The following CRIPT variants were observed in gnomAD, a reference collection of about 807,000 sequenced individuals.
CRIPT encodes the protein cysteine-rich PDZ-binding protein.
In CRIPT, 20 loss-of-function variants were observed where a neutral mutation model predicts 16.6. The ratio of observed to expected loss-of-function variants is 1.20; its 90% CI spans 0.85 to 1.75. CRIPT has a LOEUF of 1.75. Ranked by LOEUF, CRIPT falls within the 40% of genes most tolerant of loss-of-function variation. The pLI, the probability that CRIPT is intolerant of heterozygous loss-of-function variation, is 0.00. For missense variants in CRIPT, 133 were observed against 115.3 expected (o/e 1.15, Z -0.70); for synonymous variants, 42 against 37.0 (o/e 1.14, Z -0.49).
chr2:46,626,401 G>C lies in CRIPT; in HGVS notation c.*2174G>C, dbSNP rs915843655. Among the ~76,000 whole-genome samples, 6 of 152,178 alleles carry C rather than the reference G, an allele frequency of 3.9e-5. No individual in the cohort carries two copies. The highest frequency in any genetic ancestry group is 1.4e-4 in the African/African-American group (6 of 41,428). On this transcript the variant is annotated 3_prime_UTR_variant, in exon 5 of 5. Coordinates refer to ENST00000238892, the MANE Select transcript of CRIPT (RefSeq NM_014171.6). ...GAATAGTGCTGTGATGAATATGTGA[G>C]TGTATGTGTCTTTTTGGTAGAACAA...
chr2:46,625,448 G>C lies in CRIPT; in HGVS notation c.*1221G>C, dbSNP rs1670916128. The C allele has an allele frequency of 2.2e-5, 3 of 139,366 alleles. No individual in the cohort carries two copies. 8.6% of individuals were successfully genotyped at this position (139,366 alleles called of 1,614,324 possible). ...GAATACTTTTCTTATGTTGCCTTCA[G>C]AGGTTCAGGACTTCTGCTTTTAAAA... On this transcript the variant is annotated 3_prime_UTR_variant, in exon 5 of 5. Transcript: ENST00000238892.
rs773496834 is a variant in CRIPT at position 46,625,934 on chromosome 2, T to C, written c.*1707T>C. On this transcript the variant is annotated 3_prime_UTR_variant, in exon 5 of 5. Coordinates refer to ENST00000238892, the MANE Select transcript of CRIPT (RefSeq NM_014171.6). ...TCACATTTCATTTTTTTTGTTGTTG[T>C]TGTTGTTTTTATAATTTCAACTTTT... is the stretch of plus-strand genomic sequence containing the variant. Among the ~76,000 whole-genome samples, 7 of 152,210 alleles carry C rather than the reference T, an allele frequency of 4.6e-5. No individual in the cohort carries two copies. Among genetic ancestry groups the C allele is most frequent in the Non-Finnish European group, 8.8e-5 (6 of 68,040 alleles).
At position 46,624,894 on chromosome 2, in the gene CRIPT, A is replaced by G. The variant is rs3087822; in HGVS notation, c.*667A>G. ...CATATTACTTTGAATTCAAATTGTC[A>G]TGAAAACCAGAACAGTGTTTGTCCA... On this transcript the variant is annotated 3_prime_UTR_variant, in exon 5 of 5. Coordinates refer to ENST00000238892, the MANE Select transcript of CRIPT (RefSeq NM_014171.6). The G allele has an allele frequency of 0.51, 76,920 of 151,664 alleles. 21,144 individuals carry two copies. Among genetic ancestry groups the G allele is most frequent in the African/African-American group, 0.72 (29,773 of 41,254 alleles). The allele number at this position is 151,664 out of a possible 1,614,324, so 9.4% of individuals were successfully genotyped here.
intron 3 of CRIPT, among the ~76,000 whole-genome samples, chr2:46,621,277 G>T (rs149976266): frequency 6.6e-6 from 1 of 152,062 alleles, no homozygotes; most frequent in Non-Finnish European, 1.5e-5. Flanking sequence ...GCTTCGTATT[G>T]TACCACACTG....
rs1410177524 is a variant in CRIPT at position 46,617,242 on chromosome 2, T to A, written c.-41T>A. The A allele has an allele frequency of 5.8e-6, 9 of 1,553,002 alleles. No individual in the cohort carries two copies. In the Admixed American group the frequency reaches 1.6e-4, roughly 27 times the overall value. The stretch of plus-strand genomic sequence containing the variant: ...AGTGTTGTTGTTTTCAGCCTGCTGC[T>A]GCTGCTGCTGTTGCGGCTAGGGGAA... On this transcript the variant is annotated 5_prime_UTR_variant, in exon 1 of 5. Transcript: ENST00000238892.
At chr2:46,621,473 C>T (rs1478800990) in intron 3 of CRIPT, among the ~76,000 whole-genome samples, 1 of 152,190 alleles carries the variant, frequency 6.6e-6, no homozygotes, top group African/African-American at 2.4e-5. Context: ...TCTCTTCTTT[C>T]CTTTTCCTCA....
At position 46,624,163 on chromosome 2, in the gene CRIPT, GC is replaced by G. The variant is rs772111661; in HGVS notation, c.243del (p.Ile82SerfsTer49). On this transcript the variant is annotated frameshift_variant and splice_region_variant, in exon 5 of 5. Transcript: ENST00000238892. LOFTEE classifies it high-confidence loss of function. ...HYCQGCAYKK[G>X]ICAMCGKKVL... Reference sequence around the variant, plus strand: ...GATCACATATCTTCTTTTGTTTCAGGCATCTGTGCGATGTGTGGAAAAAAGG... The same window carrying G: ...GATCACATATCTTCTTTTGTTTCAGGATCTGTGCGATGTGTGGAAAAAAGG... The G allele has an allele frequency of 1.3e-6, 2 of 1,554,160 alleles. No homozygotes were observed. The highest frequency in any genetic ancestry group is 1.4e-5 in the African/African-American group (1 of 73,292).
intron 1 of CRIPT, among the ~76,000 whole-genome samples, chr2:46,618,551 G>A (rs1397865606): frequency 6.6e-6 from 1 of 152,148 alleles, no homozygotes; most frequent in Non-Finnish European, 1.5e-5. Flanking sequence ...AACAGTGAAA[G>A]CTTATTATAA....
In CRIPT at chr2:46,623,532, T is replaced by G. The variant is rs139640166; in HGVS notation, c.138-232T>G. 7.1e-4 allele frequency among the ~76,000 whole-genome samples: 108 copies of G among 152,300 alleles called. 1 individual carries two copies. Among genetic ancestry groups the G allele is most frequent in the African/African-American group, 2.4e-3 (99 of 41,566 alleles). ...ACGACTGATATGAACACGTCAAGAA[T>G]AAATACTGTACAACTGATTCTTTAT... On this transcript the variant is annotated intron_variant, in intron 3 of 4. Coordinates refer to ENST00000238892, the MANE Select transcript of CRIPT (RefSeq NM_014171.6).
Position 46,628,335 on chromosome 2 carries a change from C to G in CRIPT, c.*4108C>G, listed in dbSNP as rs1001065561. 6.6e-6 allele frequency among the ~76,000 whole-genome samples: 1 copy of G among 152,100 alleles called. No individual in the cohort carries two copies. Among genetic ancestry groups the G allele is most frequent in the African/African-American group, 2.4e-5 (1 of 41,410 alleles). ...TCATCTTAGCCAGGCTGGTCTTGAA[C>G]TCCTGACGTTGTGATCCACCCGCCT... On this transcript the variant is annotated 3_prime_UTR_variant, in exon 5 of 5. Coordinates refer to ENST00000238892, the MANE Select transcript of CRIPT (RefSeq NM_014171.6).
rs1338935313 is a variant in CRIPT, at chr2:46,625,048, CT to C, written c.*822del. On this transcript the variant is annotated 3_prime_UTR_variant, in exon 5 of 5. Transcript: ENST00000238892. ...GAAATAAATAGAGCAAACATCTTGACTCTCCCTTTTTAAAATTTGTTTGTTT... is the reference window on the plus strand; with the variant it reads ...GAAATAAATAGAGCAAACATCTTGACCTCCCTTTTTAAAATTTGTTTGTTT... 7.0e-6 allele frequency: 1 copy of C among 143,012 alleles called. No individual in the cohort carries two copies. Among genetic ancestry groups the C allele is most frequent in the African/African-American group, 2.6e-5 (1 of 38,120 alleles). 8.9% of individuals were successfully genotyped at this position (143,012 alleles called of 1,614,324 possible). A position where few individuals can be genotyped will look rare whatever the true frequency, so the allele number is the denominator to read the frequency against.
rs1444804891 is a variant in CRIPT at position 46,627,416 on chromosome 2, A to C, written c.*3189A>C. Among the ~76,000 whole-genome samples the C allele has an allele frequency of 6.6e-6, 1 of 150,794 alleles. No homozygotes were observed. Among genetic ancestry groups the C allele is most frequent in the African/African-American group, 2.4e-5 (1 of 41,156 alleles). ...TCGTAGGTTTTCTTCTAGGACTCTT[A>C]TAGCTTGAAGTCTTACATTTAAATC... On this transcript the variant is annotated 3_prime_UTR_variant, in exon 5 of 5. Transcript: ENST00000238892.
rs559337260 is a variant in CRIPT at position 46,626,814 on chromosome 2, T to C, written c.*2587T>C. ...TTGGCATTTTTTTAATGGGTTTTTG[T>C]TTGTGTGTGTGTATTTTTGTTTTTG... On this transcript the variant is annotated 3_prime_UTR_variant, in exon 5 of 5. Transcript: ENST00000238892. Among the ~76,000 whole-genome samples the C allele has an allele frequency of 4.6e-5, 7 of 152,104 alleles. No individual in the cohort carries two copies. Among genetic ancestry groups the C allele is most frequent in the African/African-American group, 1.7e-4 (7 of 41,502 alleles).
intron 3 of CRIPT, among the ~76,000 whole-genome samples, chr2:46,623,030 C>T (rs867645415): frequency 2.4e-4 from 37 of 151,794 alleles, no homozygotes; most frequent in Non-Finnish European, 5.3e-4. Context: ...TTTTTCACTC[C>T]TGTCACTATA....
chr2:46,618,879 T>TA, intron 2 of CRIPT, 41 bp downstream of exon 2: 1 of 1,179,996 alleles, frequency 8.5e-7, no homozygotes, highest in Non-Finnish European at 1.3e-6. Context: ...ACCGAATACT[T>TA]ACTGTGAATA....
rs866376607 is a variant in CRIPT, at chr2:46,624,144, A to G, written c.242-19A>G. 4 of 1,542,872 alleles carry G rather than the reference A, an allele frequency of 2.6e-6. No individual in the cohort carries two copies. Among genetic ancestry groups the G allele is most frequent in the East Asian group, 2.4e-5 (1 of 42,390 alleles). On this transcript the variant is annotated intron_variant, in intron 4 of 4. Transcript: ENST00000238892. ...TTGGTATTATGATTTGATTGATCAC[A>G]TATCTTCTTTTGTTTCAGGCATCTG...
chr2:46,619,153 T>C (rs1264420385), intron 2 of CRIPT, among the ~76,000 whole-genome samples: 1 of 152,174 alleles, frequency 6.6e-6, no homozygotes, highest in East Asian at 1.9e-4. Context: ...TGCACTCTTC[T>C]GAGGAGAAAT....
chr2:46,619,096 A>G (rs971300619), intron 2 of CRIPT, among the ~76,000 whole-genome samples: 1 of 152,198 alleles, frequency 6.6e-6, no homozygotes, highest in Non-Finnish European at 1.5e-5. Context: ...TTTGATTATC[A>G]GAGTATTTGA....
chr2:46,619,405 C>A (rs1670750649), intron 2 of CRIPT, among the ~76,000 whole-genome samples: 1 of 151,672 alleles, frequency 6.6e-6, no homozygotes, highest in South Asian at 2.1e-4. Flanking sequence ...CTAAAGTACT[C>A]CCTTGAGTCT....
Sources: gnomAD v4.1 joint callset for allele counts (sites outside exome capture counted in the v4.1 genomes callset) on GRCh38, gnomAD v4.1.1 for gene constraint, MANE v1.5 for transcripts, NCBI Gene and HGNC (gene_info 2026-07-23, HGNC 2026-07-21) for gene names.